FBXW11: variants seen among roughly 807,000 people sequenced by gnomAD.
FBXW11 encodes the protein F-box and WD repeat domain containing 11.
Under a neutral mutation model 77.6 loss-of-function variants are expected in FBXW11, and 19 were observed. The observed-to-expected ratio is 0.24, with a 90% CI of 0.17 to 0.36. The LOEUF (loss-of-function observed/expected upper bound fraction) is 0.36. FBXW11 is among the 10% of genes least tolerant of loss of function. The probability of loss-of-function intolerance (pLI) is 1.00; values close to 1 mark genes in which losing one functional copy is unlikely to be tolerated. For synonymous variants in FBXW11, 235 were observed against 249.4 expected (o/e 0.94, Z 0.54); for missense variants, 334 against 704.2 (o/e 0.47, Z 5.95).
rs1432740928 is a variant in FBXW11, at chr5:171,908,906, T to G, written c.436+1666A>C. Reference sequence around the variant, plus strand: ...GATAGGCTAAGGGAGGAGCTACTCTTTAAGAAGCTATCCTGTAGCTCTGAC... The same window carrying G: ...GATAGGCTAAGGGAGGAGCTACTCTGTAAGAAGCTATCCTGTAGCTCTGAC... On this transcript the variant is annotated intron_variant, in intron 4 of 13. Transcript: ENST00000517395. The G allele has an allele frequency of 3.3e-5, 5 of 152,262 alleles. No homozygotes were observed. In the East Asian group the frequency reaches 9.6e-4, roughly 29 times the overall value. 9.4% of individuals were successfully genotyped at this position (152,262 alleles called of 1,614,324 possible).
At chr5:171,949,914 T>C (rs1441650534) in intron 2 of FBXW11, among the ~76,000 whole-genome samples, 1 of 152,170 alleles carries the variant, frequency 6.6e-6, no homozygotes, top group Non-Finnish European at 1.5e-5. Flanking sequence ...TTCTCAAAAG[T>C]ACAAGTTAGC....
chr5:171,892,454 A>G (rs1244689575), intron 6 of FBXW11, among the ~76,000 whole-genome samples: 2 of 152,254 alleles, frequency 1.3e-5, no homozygotes, highest in East Asian at 3.8e-4. Context: ...TTCCGACTCC[A>G]AACCCATGCT....
intron 4 of FBXW11, among the ~76,000 whole-genome samples, chr5:171,906,225 G>A (rs527498850): frequency 6.3e-5 from 9 of 142,970 alleles, no homozygotes; most frequent in African/African-American, 1.2e-4. Flanking sequence ...CCACCCACCC[G>A]TGTTATCCCT....
At chr5:171,914,811 C>T (rs542179887) in intron 2 of FBXW11, among the ~76,000 whole-genome samples, 8 of 152,210 alleles carry the variant, frequency 5.3e-5, no homozygotes, top group South Asian at 2.1e-4. Flanking sequence ...CCAAGGAATC[C>T]GCAATTAGAA....
chr5:171,878,591 T>TGTGTGTGTGTGTGTG (rs1561640265), intron 7 of FBXW11, among the ~76,000 whole-genome samples: 17 of 95,532 alleles, frequency 1.8e-4, no homozygotes, highest in African/African-American at 6.4e-4. Flanking sequence ...TGTGTGTGTG[T>TGTGTGTGTGTGTGTG]AAGAGAGAGA....
intron 7 of FBXW11, among the ~76,000 whole-genome samples, chr5:171,878,583 T>A (rs1758270870): frequency 2.8e-5 from 2 of 72,526 alleles, no homozygotes; most frequent in Admixed American, 1.8e-4. Context: ...TGTGTGTGTG[T>A]GTGTGTGTAA....
Position 171,862,584 on chromosome 5 carries a change from A to G in FBXW11, c.*1543T>C, listed in dbSNP as rs1757156245. The G allele has an allele frequency of 6.5e-6, 1 of 152,680 alleles. No homozygotes were observed. The highest frequency in any genetic ancestry group is 1.5e-5 in the Non-Finnish European group (1 of 68,054). 9.5% of individuals were successfully genotyped at this position (152,680 alleles called of 1,614,324 possible). On this transcript the variant is annotated 3_prime_UTR_variant, in exon 14 of 14. Coordinates refer to ENST00000517395, the MANE Select transcript of FBXW11 (RefSeq NM_001378974.1). ...TCAAACCTAATATTGAATAAGGGAG[A>G]AGGAGTGCCAATTGGATGCCAACGT... is the stretch of plus-strand genomic sequence containing the variant.
intron 2 of FBXW11, among the ~76,000 whole-genome samples, chr5:171,914,865 CT>C (rs1182352929): frequency 6.6e-6 from 1 of 151,876 alleles, no homozygotes; most frequent in Non-Finnish European, 1.5e-5. Flanking sequence ...CTTTCCTCCC[CT>C]GATAGCCTTG....
chr5:171,883,901 CTTG>C (rs1294646578), intron 7 of FBXW11, among the ~76,000 whole-genome samples: 1 of 151,200 alleles, frequency 6.6e-6, no homozygotes, highest in Non-Finnish European at 1.5e-5. Flanking sequence ...TTGTTTTTTT[CTTG>C]TTGATTTGTT....
At chr5:171,976,248 G>T (rs952254945) in intron 1 of FBXW11, among the ~76,000 whole-genome samples, 1 of 152,160 alleles carries the variant, frequency 6.6e-6, no homozygotes, top group Non-Finnish European at 1.5e-5. Flanking sequence ...ACTTCTGAAA[G>T]AAGTTTCTGA....
intron 2 of FBXW11, among the ~76,000 whole-genome samples, chr5:171,933,133 A>C (rs1054684179): frequency 1.4e-5 from 2 of 147,214 alleles, no homozygotes; most frequent in Non-Finnish European, 3.0e-5. Flanking sequence ...CTTCTCTCAA[A>C]AAAAAAAAAA....
intron 8 of FBXW11, among the ~76,000 whole-genome samples, chr5:171,877,134 G>C (rs979009277): frequency 1.3e-5 from 2 of 152,172 alleles, no homozygotes; most frequent in African/African-American, 4.8e-5. Flanking sequence ...TTTCAGAAAA[G>C]GTGGCTAATT....
At chr5:171,887,522 C>T (rs369369793) in intron 7 of FBXW11, among the ~76,000 whole-genome samples, 10 of 152,130 alleles carry the variant, frequency 6.6e-5, no homozygotes, top group African/African-American at 2.4e-4. Flanking sequence ...CTAAACACTC[C>T]TGATAAAAAC....
At chr5:171,977,491 C>G (rs1764903813) in intron 1 of FBXW11, 1 of 377,308 alleles carries the variant, frequency 2.7e-6, no homozygotes, top group Non-Finnish European at 5.3e-6. Flanking sequence ...GATCCTCGCC[C>G]CCATGGAGAT....
intron 3 of FBXW11, among the ~76,000 whole-genome samples, chr5:171,913,818 TACACACACACACACACACACACACAC>T (rs1161644281): frequency 6.1e-5 from 4 of 65,324 alleles, no homozygotes; most frequent in Non-Finnish European, 1.4e-4. Flanking sequence ...CACACACACA[TACACACACACACACACACACACACAC>T]ACACACACAC....
intron 1 of FBXW11, among the ~76,000 whole-genome samples, chr5:171,990,496 T>C (rs1019339050): frequency 6.6e-6 from 1 of 152,174 alleles, no homozygotes; most frequent in African/African-American, 2.4e-5. Context: ...CAAGATCCTG[T>C]CCTGAAGATA....
chr5:172,004,043 C>G (rs1766575778), intron 1 of FBXW11, among the ~76,000 whole-genome samples: 1 of 152,292 alleles, frequency 6.6e-6, no homozygotes, highest in South Asian at 2.1e-4. Flanking sequence ...ACCCCTTTTC[C>G]TCCATCAATC....
chr5:171,910,826 G>C, intron 3 of FBXW11, 29 bp from the exon 4 acceptor site: 1 of 1,428,604 alleles, frequency 7.0e-7, no homozygotes, highest in East Asian at 2.4e-5. Context: ...AAAAAAATTA[G>C]TTTAACAAGG....
rs1762932899 is a variant in FBXW11 at position 171,944,946 on chromosome 5, T to C, written c.147+12651A>G. ...ACATTCCAGCTTATTATGCTTATTC[T>C]TCATTCAGTAAATAATTATTGAGCA... is the stretch of plus-strand genomic sequence containing the variant. On this transcript the variant is annotated intron_variant, in intron 2 of 13. Coordinates refer to ENST00000517395, the MANE Select transcript of FBXW11 (RefSeq NM_001378974.1). Among the ~76,000 whole-genome samples the C allele has an allele frequency of 2.0e-5, 3 of 152,326 alleles. No homozygotes were observed. In the South Asian group the frequency reaches 6.2e-4, roughly 32 times the overall value.
Sources: gnomAD v4.1 joint callset for allele counts (sites outside exome capture counted in the v4.1 genomes callset) on GRCh38, gnomAD v4.1.1 for gene constraint, MANE v1.5 for transcripts, NCBI Gene and HGNC (gene_info 2026-07-23, HGNC 2026-07-21) for gene names.